ERC2: variants seen among roughly 807,000 people sequenced by gnomAD.
ERC2 encodes the protein ELKS/RAB6-interacting/CAST family member 2, also known as ERC protein 2.
A neutral mutation model predicts 114.8 loss-of-function variants in ERC2; 42 were observed. That is an observed-to-expected ratio of 0.37 (90% CI 0.29 to 0.47). The LOEUF is 0.47. Among genes scored for constraint, ERC2 ranks in the 20% least tolerant of loss-of-function variants. The pLI is 0.99. For missense variants in ERC2, 939 were observed against 1,150.7 expected, an observed-to-expected ratio of 0.82 and a Z score of 2.66; for synonymous variants, 454 against 425.5, an observed-to-expected ratio of 1.07 and a Z score of -0.82.
intron 14 of ERC2, among the ~76,000 whole-genome samples, chr3:55,870,416 G>A (rs1410625957): frequency 1.3e-5 from 2 of 152,214 alleles, no homozygotes. Context: ...AAGAAGGAAT[G>A]AGTTCCCTCA....
At chr3:56,404,602 C>T (rs1188530094) in intron 2 of ERC2, among the ~76,000 whole-genome samples, 1 of 151,940 alleles carries the variant, frequency 6.6e-6, no homozygotes, top group African/African-American at 2.4e-5. Context: ...AGGATAAATA[C>T]TTGAGGGAAT....
intron 17 of ERC2, among the ~76,000 whole-genome samples, chr3:55,605,790 A>C (rs1318408260): frequency 6.6e-6 from 1 of 152,232 alleles, no homozygotes; most frequent in Non-Finnish European, 1.5e-5. Context: ...TCAGGAATAA[A>C]ACTCATCATG....
At chr3:56,333,967 T>C (rs2057743833) in intron 2 of ERC2, among the ~76,000 whole-genome samples, 2 of 152,212 alleles carry the variant, frequency 1.3e-5, no homozygotes, top group African/African-American at 4.8e-5. Context: ...TTAAACTTGG[T>C]TTGTAATCTT....
chr3:56,361,150 G>A (rs2058942167), intron 2 of ERC2, among the ~76,000 whole-genome samples: 1 of 152,112 alleles, frequency 6.6e-6, no homozygotes, highest in South Asian at 2.1e-4. Context: ...GGAGAGTGGG[G>A]AAGCTTCTGT....
chr3:55,835,988 GAAC>G (rs2060861456), intron 14 of ERC2, among the ~76,000 whole-genome samples: 1 of 151,396 alleles, frequency 6.6e-6, no homozygotes, highest in South Asian at 2.1e-4. Context: ...AATCATGAGT[GAAC>G]TCCCATTCAC....
chr3:56,089,586 CT>C (rs3052550), intron 6 of ERC2, among the ~76,000 whole-genome samples: 5 of 151,658 alleles, frequency 3.3e-5, no homozygotes, highest in Admixed American at 1.3e-4. Flanking sequence ...CAAAATCTAG[CT>C]TTTTTTTAAT....
At chr3:56,325,661 T>C (rs974457361) in intron 2 of ERC2, among the ~76,000 whole-genome samples, 4 of 152,188 alleles carry the variant, frequency 2.6e-5, no homozygotes, top group Non-Finnish European at 5.9e-5. Context: ...GATCTTGTCA[T>C]TATGAACTAT....
chr3:56,298,970 G>C (rs372638771), intron 2 of ERC2, among the ~76,000 whole-genome samples: 2 of 152,116 alleles, frequency 1.3e-5, no homozygotes, highest in East Asian at 3.9e-4. Context: ...GTCCACAGGA[G>C]TATCCGCAGC....
chr3:55,905,024 C>G (rs911204382), intron 13 of ERC2, among the ~76,000 whole-genome samples: 3 of 152,146 alleles, frequency 2.0e-5, no homozygotes, highest in Admixed American at 6.5e-5. Context: ...CTCCCGTTTC[C>G]AAATATGAAC....
rs1379462762 is a variant in ERC2 at position 56,170,596 on chromosome 3, T to TG, written c.1149+2849_1149+2850insC. Reference sequence around the variant, plus strand: ...AAGAAATCTCTTCTGTTTTTTTTTTTTTTTTTTTTTTTTTTTTTGAGGTAG... The same window carrying TG: ...AAGAAATCTCTTCTGTTTTTTTTTTTGTTTTTTTTTTTTTTTTTTGAGGTAG... On this transcript the variant is annotated intron_variant, in intron 4 of 17. Transcript: ENST00000288221. Among the ~76,000 whole-genome samples, 64 of 9,268 alleles carry TG rather than the reference T, an allele frequency of 6.9e-3. 3 individuals carry two copies. The highest frequency in any genetic ancestry group is 0.047 in the South Asian group (4 of 86). 6.1% of individuals were successfully genotyped at this position (9,268 alleles called of 152,430 possible). A position where few individuals can be genotyped will look rare whatever the true frequency, so the allele number is the denominator to read the frequency against.
At chr3:56,136,770 TAA>T (rs1560234881) in intron 6 of ERC2, among the ~76,000 whole-genome samples, 3 of 152,106 alleles carry the variant, frequency 2.0e-5, no homozygotes, top group African/African-American at 7.2e-5. Flanking sequence ...CGTAATTAGA[TAA>T]GTTTCTCCTC....
At chr3:55,929,006 C>T (rs2065913493) in intron 13 of ERC2, among the ~76,000 whole-genome samples, 1 of 152,138 alleles carries the variant, frequency 6.6e-6, no homozygotes, top group South Asian at 2.1e-4. Context: ...GTTTTGGTTA[C>T]TATCCACCAT....
chr3:55,537,388 C>T (rs995048994), intron 17 of ERC2, among the ~76,000 whole-genome samples: 5 of 152,180 alleles, frequency 3.3e-5, no homozygotes, highest in Admixed American at 6.5e-5. Flanking sequence ...AGATACCAGG[C>T]CTGAGACTTA....
chr3:55,629,989 G>A (rs1388529464), intron 17 of ERC2, among the ~76,000 whole-genome samples: 1 of 152,212 alleles, frequency 6.6e-6, no homozygotes, highest in Non-Finnish European at 1.5e-5. Context: ...TAGAAAGAAA[G>A]TGGGGTACCA....
At chr3:56,371,694 C>T (rs1285420926) in intron 2 of ERC2, among the ~76,000 whole-genome samples, 4 of 152,220 alleles carry the variant, frequency 2.6e-5, no homozygotes, top group Admixed American at 2.6e-4. Context: ...CCCAAGGGCT[C>T]AGGTTCAGCT....
chr3:56,062,497 GA>G (rs2076284472), intron 7 of ERC2, among the ~76,000 whole-genome samples: 2 of 152,166 alleles, frequency 1.3e-5, no homozygotes, highest in Admixed American at 1.3e-4. Flanking sequence ...GCTAGAAAAT[GA>G]AGATGGATTT....
At chr3:56,437,429 T>A (rs1246202298) in intron 1 of ERC2, among the ~76,000 whole-genome samples, 1 of 152,260 alleles carries the variant, frequency 6.6e-6, no homozygotes, top group African/African-American at 2.4e-5. Flanking sequence ...TGTGGTGGAC[T>A]GTTTTGCCAC....
intron 14 of ERC2, among the ~76,000 whole-genome samples, chr3:55,869,364 T>C (rs1028226421): frequency 5.3e-5 from 8 of 152,116 alleles, no homozygotes; most frequent in African/African-American, 1.9e-4. Context: ...TGGAACCTCC[T>C]CTCCTCCCCT....
intron 14 of ERC2, among the ~76,000 whole-genome samples, chr3:55,829,421 A>C (rs1359647005): frequency 2.0e-5 from 3 of 152,250 alleles, no homozygotes; most frequent in Non-Finnish European, 4.4e-5. Flanking sequence ...TGAAACTTGA[A>C]GACAGATCAA....
Sources: gnomAD v4.1 joint callset for allele counts (sites outside exome capture counted in the v4.1 genomes callset) on GRCh38, gnomAD v4.1.1 for gene constraint, MANE v1.5 for transcripts, NCBI Gene and HGNC (gene_info 2026-07-23, HGNC 2026-07-21) for gene names.